USO1: variants seen among roughly 807,000 people sequenced by gnomAD.
USO1 encodes USO1 vesicle transport factor.
Under a neutral mutation model 124.5 loss-of-function variants are expected in USO1, and 57 were observed. The ratio of observed to expected loss-of-function variants is 0.46; its 90% confidence interval spans 0.37 to 0.57. USO1 has a LOEUF of 0.57. Among genes scored for constraint, USO1 ranks in the 20% least tolerant of loss-of-function variants. USO1 has a pLI of 0.00. For missense variants in USO1, 900 were observed against 1,040.6 expected (o/e 0.86, Z 1.86); for synonymous variants, 369 against 362.8 (o/e 1.02, Z -0.19).
intron 9 of USO1, among the ~76,000 whole-genome samples, chr4:75,783,852 A>G (rs928663641): frequency 1.3e-5 from 2 of 152,196 alleles, no homozygotes; most frequent in Non-Finnish European, 2.9e-5. Flanking sequence ...AACTGTTACA[A>G]AAGTATTTAC....
chr4:75,806,632 G>C, intron 20 of USO1, 60 bp downstream of exon 20: 1 of 1,517,166 alleles, frequency 6.6e-7, no homozygotes, highest in African/African-American at 1.4e-5. Flanking sequence ...TAGAATAACA[G>C]CCCTATAGTT....
At chr4:75,750,645 C>T (rs1385307533) in intron 1 of USO1, among the ~76,000 whole-genome samples, 1 of 151,898 alleles carries the variant, frequency 6.6e-6, no homozygotes, top group Non-Finnish European at 1.5e-5. Context: ...CCACCTCACC[C>T]AGCTAATTTT....
chr4:75,736,284 GT>G (rs755070517), intron 1 of USO1, among the ~76,000 whole-genome samples: 183 of 65,870 alleles, frequency 2.8e-3, no homozygotes, highest in Non-Finnish European at 5.6e-3. Flanking sequence ...ATGGTATACT[GT>G]TTATTGTGTT....
Position 75,738,776 on chromosome 4 carries a change from G to A in USO1, c.67-13597G>A, listed in dbSNP as rs1012044873. On this transcript the variant is annotated intron_variant, in intron 1 of 23. Transcript: ENST00000514213. ...GATTACAGGTGAGAGTCACTGTGCC[G>A]GGCCAAGTATATATATATATTTTTT... is the stretch of plus-strand genomic sequence containing the variant. 3.9e-5 allele frequency among the ~76,000 whole-genome samples: 6 copies of A among 152,024 alleles called. No individual in the cohort carries two copies. The East Asian group carries it at 7.7e-4, about 20-fold the overall frequency.
intron 1 of USO1, among the ~76,000 whole-genome samples, chr4:75,744,073 G>A (rs919486711): frequency 6.6e-6 from 1 of 152,020 alleles, no homozygotes. Flanking sequence ...ACTGTGCCTC[G>A]CCCCTGTTTT....
chr4:75,725,095 C>G, intron 1 of USO1: 1 of 609,680 alleles, frequency 1.6e-6, no homozygotes. Context: ...TTCGGCCGGA[C>G]TGACGGCGGC....
intron 4 of USO1, among the ~76,000 whole-genome samples, chr4:75,761,053 A>C (rs1721592091): frequency 6.6e-6 from 1 of 152,186 alleles, no homozygotes; most frequent in Non-Finnish European, 1.5e-5. Context: ...AGGCTGAGGC[A>C]GGAGAATTGC....
chr4:75,735,737 T>C (rs980019461), intron 1 of USO1, among the ~76,000 whole-genome samples: 2 of 152,040 alleles, frequency 1.3e-5, no homozygotes, highest in African/African-American at 4.8e-5. Flanking sequence ...CCCAGGCTGG[T>C]CTTGAATTCC....
At chr4:75,796,875 ATTTT>A (rs11290866) in intron 13 of USO1, among the ~76,000 whole-genome samples, 6 of 131,672 alleles carry the variant, frequency 4.6e-5, no homozygotes, top group Admixed American at 1.5e-4. Context: ...TGAGTTACAG[ATTTT>A]TTTTTTTTTT....
rs1431036499 is a variant in USO1, at chr4:75,724,765, A to G, written c.-55A>G. 2 of 1,583,230 alleles carry G rather than the reference A, an allele frequency of 1.3e-6. No individual in the cohort carries two copies. Among genetic ancestry groups the G allele is most frequent in the Non-Finnish European group, 1.7e-6 (2 of 1,154,248 alleles). On this transcript the variant is annotated 5_prime_UTR_variant, in exon 1 of 24. Transcript: ENST00000514213. Reference sequence around the variant, plus strand: ...CCCAGGCCCTGCGGAGGGCGGGGGAAGTTGTCTTCTTTTTTTTCCGGAGGG... The same window carrying G: ...CCCAGGCCCTGCGGAGGGCGGGGGAGGTTGTCTTCTTTTTTTTCCGGAGGG...
intron 4 of USO1, among the ~76,000 whole-genome samples, chr4:75,757,891 A>G (rs1454712366): frequency 7.2e-5 from 11 of 152,134 alleles, no homozygotes; most frequent in Admixed American, 5.2e-4. Context: ...ATTTATGGCT[A>G]TTGATTGAAA....
intron 3 of USO1, among the ~76,000 whole-genome samples, chr4:75,753,418 C>T (rs1721344117): frequency 6.6e-6 from 1 of 152,074 alleles, no homozygotes; most frequent in Admixed American, 6.6e-5. Flanking sequence ...CCTGTAATCC[C>T]AGCTACTTGG....
intron 17 of USO1, 29 bp downstream of exon 17, chr4:75,801,229 C>CT: frequency 6.6e-7 from 1 of 1,526,708 alleles, no homozygotes. Context: ...TATATACCCT[C>CT]TGATTACCAA....
chr4:75,743,919 G>A (rs1049562590), intron 1 of USO1, among the ~76,000 whole-genome samples: 1 of 152,102 alleles, frequency 6.6e-6, no homozygotes, highest in Non-Finnish European at 1.5e-5. Context: ...TGGGACTACA[G>A]GCGCCCGCCA....
chr4:75,787,280 G>A lies in USO1; in HGVS notation c.996+78G>A. The A allele has an allele frequency of 1.6e-5, 21 of 1,351,870 alleles. No homozygotes were observed. The South Asian group carries it at 2.4e-4, about 16-fold the overall frequency. The allele number at this position is 1,351,870 out of a possible 1,614,324, so 83.7% of individuals were successfully genotyped here. A position where few individuals can be genotyped will look rare whatever the true frequency, so the allele number is the denominator to read the frequency against. On this transcript the variant is annotated intron_variant, in intron 10 of 23. Coordinates refer to ENST00000514213, the MANE Select transcript of USO1 (RefSeq NM_003715.4). ...TAGGAAGAATTAGATATTTGTTGAA[G>A]GAAAAACTACAATAGTTAACCATTT... is the stretch of plus-strand genomic sequence containing the variant.
At chr4:75,793,164 TGGATAAG>T (rs1722578188) in intron 12 of USO1, among the ~76,000 whole-genome samples, 2 of 152,006 alleles carry the variant, frequency 1.3e-5, no homozygotes, top group African/African-American at 4.8e-5. Context: ...CCAAGCATTT[TGGATAAG>T]GGATACTCAA....
At chr4:75,745,756 C>T (rs544243797) in intron 1 of USO1, among the ~76,000 whole-genome samples, 81 of 148,522 alleles carry the variant, frequency 5.5e-4, no homozygotes, top group Admixed American at 2.2e-3. Flanking sequence ...AAAAATTAGC[C>T]GGACGTAGTG....
At chr4:75,774,070 A>G (rs1482835490) in intron 7 of USO1, among the ~76,000 whole-genome samples, 2 of 152,230 alleles carry the variant, frequency 1.3e-5, no homozygotes, top group Non-Finnish European at 2.9e-5. Flanking sequence ...AACTGTATCC[A>G]GCTTACCAGG....
chr4:75,785,954 C>T (rs1375339229), intron 9 of USO1, among the ~76,000 whole-genome samples: 2 of 152,082 alleles, frequency 1.3e-5, no homozygotes, highest in African/African-American at 2.4e-5. Flanking sequence ...CCAATGTAAT[C>T]CTGACCTTCT....
Sources: gnomAD v4.1 joint callset for allele counts (sites outside exome capture counted in the v4.1 genomes callset) on GRCh38, gnomAD v4.1.1 for gene constraint, MANE v1.5 for transcripts, NCBI Gene and HGNC (gene_info 2026-07-23, HGNC 2026-07-21) for gene names.